Variants in CCDC47 observed in about 807,000 individuals in gnomAD.
The protein encoded by CCDC47 is coiled-coil domain containing 47.
CCDC47 carries 41 observed loss-of-function variants against 60.5 expected under a neutral mutation model. The ratio of observed to expected loss-of-function variants is 0.68; its 90% CI spans 0.53 to 0.88. CCDC47 has a LOEUF of 0.88. Among genes scored for constraint, CCDC47 ranks in the 40% least tolerant of loss-of-function variants. The pLI is 0.00. For synonymous variants in CCDC47, 195 were observed against 190.7 expected (o/e 1.02, Z -0.18); for missense variants, 513 against 580.9 (o/e 0.88, Z 1.20).
In CCDC47 at chr17:63,752,389, T is replaced by G. The variant is rs144240834; in HGVS notation, c.1134A>C (p.Ala378=). 4.3e-6 allele frequency: 7 copies of G among 1,614,014 alleles called. No individual in the cohort carries two copies. Among genetic ancestry groups the G allele is most frequent in the Non-Finnish European group, 5.1e-6 (6 of 1,179,928 alleles). Residue 378 remains alanine (A), a synonymous_variant, in exon 11 of 13, where the codon GCA becomes GCC. Transcript: ENST00000225726. Reference sequence around the variant, plus strand: ...TCACCATGTTCATCAGGGGTAGCAGTGCCTCCATATCCTTTGGGTAAGTGT... The same window carrying G: ...TCACCATGTTCATCAGGGGTAGCAGGGCCTCCATATCCTTTGGGTAAGTGT... The part of the protein sequence containing the change: ...SGNTYPKDME[A]LLPLMNMVIY...
chr17:63,750,319 CACAG>C (rs1354095002), intron 12 of CCDC47, among the ~76,000 whole-genome samples: 13 of 152,100 alleles, frequency 8.5e-5, no homozygotes, highest in African/African-American at 2.9e-4. Context: ...ACTGCATAAA[CACAG>C]AGCTACATTT....
Position 63,763,957 on chromosome 17 carries a change from C to T in CCDC47, c.547+59G>A, listed in dbSNP as rs953209802. The T allele has an allele frequency of 2.7e-5, 38 of 1,415,026 alleles. No individual in the cohort carries two copies. In the South Asian group the frequency reaches 4.0e-4, roughly 15 times the overall value. 87.7% of individuals were successfully genotyped at this position (1,415,026 alleles called of 1,614,324 possible). On this transcript the variant is annotated intron_variant, in intron 4 of 12. Coordinates refer to ENST00000225726, the MANE Select transcript of CCDC47 (RefSeq NM_020198.3). ...TTAGATGCTTATACTGAGGGGAATA[C>T]ATCATCCTTACCAGATTGTTTTCAA...
At chr17:63,759,544 T>A (rs1229147206) in intron 6 of CCDC47, among the ~76,000 whole-genome samples, 307 of 20,174 alleles carry the variant, frequency 0.015, 80 homozygotes, top group African/African-American at 0.062. Context: ...TATATATATA[T>A]ATATATATAT....
chr17:63,768,594 G>A (rs534510282), intron 1 of CCDC47, among the ~76,000 whole-genome samples: 27 of 152,244 alleles, frequency 1.8e-4, no homozygotes, highest in African/African-American at 5.8e-4. Flanking sequence ...GGGCACTGAG[G>A]TGAGAAAATT....
Position 63,751,671 on chromosome 17 carries a change from C to T in CCDC47, c.1371+269G>A, listed in dbSNP as rs557974449. 8 of 558,854 alleles carry T rather than the reference C, an allele frequency of 1.4e-5. 1 individual carries two copies. The highest frequency in any genetic ancestry group is 1.3e-4 in the African/African-American group (7 of 53,348). The allele number at this position is 558,854 out of a possible 1,614,324, so 34.6% of individuals were successfully genotyped here. ...CTTCTTTCTACCAAAGTGTTTGGCT[C>T]GAAAACTGATAATGGAATTTTCAAA... On this transcript the variant is annotated intron_variant, in intron 12 of 12. Coordinates refer to ENST00000225726, the MANE Select transcript of CCDC47 (RefSeq NM_020198.3).
chr17:63,752,817 G>T lies in CCDC47; in HGVS notation c.1035-18C>A, dbSNP rs200819065. 62 of 1,608,008 alleles carry T rather than the reference G, an allele frequency of 3.9e-5. No homozygotes were observed. The East Asian group carries it at 1.2e-3, about 31-fold the overall frequency. On this transcript the variant is annotated intron_variant, in intron 9 of 12. Coordinates refer to ENST00000225726, the MANE Select transcript of CCDC47 (RefSeq NM_020198.3). ...GACCTTCCCTGTCATAAAAGAAAAG[G>T]CAATTAAGAAGGAATACAAGAAAGA...
In CCDC47 at chr17:63,766,073, C is replaced by T; in HGVS notation, c.103G>A (p.Asp35Asn). 1.2e-6 allele frequency: 2 copies of T among 1,614,082 alleles called. No homozygotes were observed. The highest frequency in any genetic ancestry group is 1.7e-5 in the Admixed American group (1 of 60,014). Residue 35 changes from aspartate to asparagine, a missense_variant, in exon 2 of 13, where the codon GAT (aspartate) becomes AAT (asparagine). Coordinates refer to ENST00000225726, the MANE Select transcript of CCDC47 (RefSeq NM_020198.3). ...TCAAATTCAGCGAAGTCATTATCAT[C>T]ATACTCTACTATGTCCTCCTCATCC... ...FEDEEDIVEY[D>N]DNDFAEFEDV...
chr17:63,756,418 G>A lies in CCDC47; in HGVS notation c.837+51C>T, dbSNP rs764490757. 1.4e-5 allele frequency: 22 copies of A among 1,560,800 alleles called. No individual in the cohort carries two copies. In the Admixed American group the frequency reaches 3.5e-4, roughly 25 times the overall value. ...ATGCAATGAAGCTGAATATGTGTGT[G>A]CTAAGGAGACACAGTTCTACGTATA... On this transcript the variant is annotated intron_variant, in intron 7 of 12. Transcript: ENST00000225726.
chr17:63,768,872 T>C (rs2144498608), intron 1 of CCDC47, among the ~76,000 whole-genome samples: 1 of 151,894 alleles, frequency 6.6e-6, no homozygotes, highest in East Asian at 1.9e-4. Flanking sequence ...TCACTTGAGG[T>C]CAGGAGTTTG....
intron 12 of CCDC47, among the ~76,000 whole-genome samples, chr17:63,750,834 G>A (rs2039157661): frequency 1.3e-5 from 2 of 151,576 alleles, no homozygotes; most frequent in Admixed American, 1.3e-4. Context: ...TGATCCTCCC[G>A]CCTCAGCCTC....
chr17:63,764,447 C>T (rs575564053), intron 3 of CCDC47, among the ~76,000 whole-genome samples: 10 of 152,212 alleles, frequency 6.6e-5, no homozygotes, highest in Admixed American at 1.3e-4. Context: ...GGTCCTTAAC[C>T]CCCAAATAAA....
At position 63,772,250 on chromosome 17, in the gene CCDC47, GTT is replaced by G. The variant is rs34509265; in HGVS notation, c.-20+1160_-20+1161del. On this transcript the variant is annotated intron_variant, in intron 1 of 12. Coordinates refer to ENST00000225726, the MANE Select transcript of CCDC47 (RefSeq NM_020198.3). ...GTATTACGGGAGATATGTACCAAGG[GTT>G]TTTTTTTTTTTTTTTTTTTGAGACG... 6.3e-3 allele frequency among the ~76,000 whole-genome samples: 573 copies of G among 90,530 alleles called. 1 individual carries two copies. The highest frequency in any genetic ancestry group is 0.025 in the African/African-American group (529 of 21,150). The allele number at this position is 90,530 out of a possible 152,430, so 59.4% of individuals were successfully genotyped here.
chr17:63,771,045 G>GAAGAAAGAAAGAAAGAAAGA (rs58944348), intron 1 of CCDC47, among the ~76,000 whole-genome samples: 53 of 97,818 alleles, frequency 5.4e-4, no homozygotes, highest in Middle Eastern at 5.5e-3. Flanking sequence ...AGGAAGGAAG[G>GAAGAAAGAAAGAAAGAAAGA]AAGAAAGAAA....
At position 63,756,101 on chromosome 17, in the gene CCDC47, G is replaced by T. The variant is rs1195702351; in HGVS notation, c.948+139C>A. 6.4e-6 allele frequency: 4 copies of T among 622,408 alleles called. No homozygotes were observed. The African/African-American group carries it at 7.3e-5, about 11-fold the overall frequency. The allele number at this position is 622,408 out of a possible 1,614,324, so 38.6% of individuals were successfully genotyped here. On this transcript the variant is annotated intron_variant, in intron 8 of 12. Coordinates refer to ENST00000225726, the MANE Select transcript of CCDC47 (RefSeq NM_020198.3). ...CAAGCTAATTTATTGCTTAAAGAAG[G>T]TATTTTAATATTTGTGTGGGAAAGG...
intron 2 of CCDC47, 45 bp downstream of exon 2, chr17:63,765,867 T>G (rs756597166): frequency 1.2e-5 from 19 of 1,556,410 alleles, no homozygotes; most frequent in Non-Finnish European, 9.6e-6. Context: ...TTGGGAAAGG[T>G]GCTAGTTACA....
In CCDC47 at chr17:63,746,851, G is replaced by A. The variant is rs1412991147; in HGVS notation, c.*30C>T. 2 of 1,472,062 alleles carry A rather than the reference G, an allele frequency of 1.4e-6. No individual in the cohort carries two copies. The highest frequency in any genetic ancestry group is 2.8e-5 in the African/African-American group (2 of 72,136). The allele number at this position is 1,472,062 out of a possible 1,614,324, so 91.2% of individuals were successfully genotyped here. A position where few individuals can be genotyped will look rare whatever the true frequency, so the allele number is the denominator to read the frequency against. On this transcript the variant is annotated 3_prime_UTR_variant, in exon 13 of 13. Transcript: ENST00000225726. ...TCCTGTGAATTCAGAGCTTACAGGT[G>A]GCATCAGAACTCAAATCTCTGGGAT... is the stretch of plus-strand genomic sequence containing the variant.
At position 63,754,428 on chromosome 17, in the gene CCDC47, C is replaced by T. The variant is rs753954271; in HGVS notation, c.1034+5G>A. On this transcript the variant is annotated splice_donor_5th_base_variant and intron_variant, in intron 9 of 12. Coordinates refer to ENST00000225726, the MANE Select transcript of CCDC47 (RefSeq NM_020198.3). The stretch of plus-strand genomic sequence containing the variant: ...TTAATTTCAACAATTTTATCTTATA[C>T]GTACTCTTGCATAATTTTTGGACCA... 11 of 1,542,650 alleles carry T rather than the reference C, an allele frequency of 7.1e-6. No homozygotes were observed. The highest frequency in any genetic ancestry group is 2.2e-5 in the East Asian group (1 of 44,500).
intron 1 of CCDC47, among the ~76,000 whole-genome samples, chr17:63,766,462 C>T (rs182147452): frequency 2.5e-4 from 38 of 152,084 alleles, no homozygotes; most frequent in Admixed American, 2.4e-3. Context: ...TTGCTCTTGT[C>T]GCCCAGGTTG....
chr17:63,751,816 C>T lies in CCDC47; in HGVS notation c.1371+124G>A. On this transcript the variant is annotated intron_variant, in intron 12 of 12. Transcript: ENST00000225726. Reference sequence around the variant, plus strand: ...TTCTTTATAGTGTTATCAATTGATACAATGTCCCAAATGTTGAGAAAATGC... The same window carrying T: ...TTCTTTATAGTGTTATCAATTGATATAATGTCCCAAATGTTGAGAAAATGC... 6.4e-6 allele frequency: 6 copies of T among 935,656 alleles called. No individual in the cohort carries two copies. The South Asian group carries it at 6.6e-5, about 10-fold the overall frequency. 58.0% of individuals were successfully genotyped at this position (935,656 alleles called of 1,614,324 possible). A position where few individuals can be genotyped will look rare whatever the true frequency, so the allele number is the denominator to read the frequency against.
Sources: allele counts gnomAD v4.1 joint callset (sites outside exome capture counted in the v4.1 genomes callset), GRCh38; gene constraint gnomAD v4.1.1; transcripts MANE v1.5; gene names NCBI Gene and HGNC (gene_info 2026-07-23, HGNC 2026-07-21).